The following FBN1 variants were observed in gnomAD, a reference collection of about 807,000 sequenced individuals.
The protein encoded by FBN1 is fibrillin 1.
In FBN1, 29 loss-of-function variants were observed where a neutral mutation model predicts 365.1. That is an observed-to-expected ratio of 0.08 (90% CI 0.06 to 0.11). FBN1 has a LOEUF of 0.11. Among genes scored for constraint, FBN1 ranks in the 10% least tolerant of loss-of-function variants. The pLI is 1.00. For missense variants in FBN1, 2,476 were observed against 3,703.2 expected, an observed-to-expected ratio of 0.67 and a Z score of 8.60; for synonymous variants, 1,210 against 1,270.5, an observed-to-expected ratio of 0.95 and a Z score of 1.01.
At chr15:48,418,558 G>A (rs754447520) in intron 63 of FBN1, among the ~76,000 whole-genome samples, 1 of 152,076 alleles carries the variant, frequency 6.6e-6, no homozygotes, top group Non-Finnish European at 1.5e-5. Context: ...CAAACACCAC[G>A]ATTTGGTTAA....
intron 43 of FBN1, among the ~76,000 whole-genome samples, chr15:48,458,634 G>C (rs2043259567): frequency 6.6e-6 from 1 of 152,152 alleles, no homozygotes; most frequent in African/African-American, 2.4e-5. Context: ...AACGGGCTGA[G>C]TCTAATTTCC....
intron 17 of FBN1, among the ~76,000 whole-genome samples, chr15:48,499,504 A>C (rs1197597997): frequency 6.6e-6 from 1 of 152,132 alleles, no homozygotes; most frequent in African/African-American, 2.4e-5. Context: ...GCCTCCTCTC[A>C]CAAGAGCAAC....
chr15:48,445,018 C>T (rs2043142489), intron 48 of FBN1, among the ~76,000 whole-genome samples: 1 of 150,776 alleles, frequency 6.6e-6, no homozygotes, highest in South Asian at 2.1e-4. Context: ...CAATTGCTTA[C>T]AGAGCAATTT....
At chr15:48,537,106 T>A (rs1390752170) in intron 7 of FBN1, among the ~76,000 whole-genome samples, 1 of 152,150 alleles carries the variant, frequency 6.6e-6, no homozygotes, top group Non-Finnish European at 1.5e-5. Context: ...CTGGGGATAT[T>A]TAAAACTGTG....
chr15:48,464,078 C>T lies in FBN1; in HGVS notation c.4943-57G>A, dbSNP rs375306223. On this transcript the variant is annotated intron_variant, in intron 40 of 65. Coordinates refer to ENST00000316623, the MANE Select transcript of FBN1 (RefSeq NM_000138.5). ...ATGAAAACTTCACATTTTGGAATGGCCTGATACTTAATGAATGTTGACATT... is the reference window on the plus strand; with the variant it reads ...ATGAAAACTTCACATTTTGGAATGGTCTGATACTTAATGAATGTTGACATT... 2.7e-5 allele frequency: 42 copies of T among 1,559,084 alleles called. No individual in the cohort carries two copies. The African/African-American group carries it at 5.0e-4, about 19-fold the overall frequency.
intron 15 of FBN1, among the ~76,000 whole-genome samples, chr15:48,506,913 T>C (rs1034957702): frequency 3.3e-5 from 5 of 151,490 alleles, no homozygotes; most frequent in African/African-American, 1.2e-4. Flanking sequence ...AATACAGAGC[T>C]GTGGAGCTCT....
chr15:48,575,929 T>A (rs1194910024), intron 6 of FBN1, among the ~76,000 whole-genome samples: 1 of 151,836 alleles, frequency 6.6e-6, no homozygotes, highest in Non-Finnish European at 1.5e-5. Context: ...TTATCCTAAG[T>A]AAAAGAATAG....
chr15:48,634,670 G>A (rs1171380630), intron 2 of FBN1, among the ~76,000 whole-genome samples: 2 of 151,796 alleles, frequency 1.3e-5, no homozygotes, highest in Non-Finnish European at 2.9e-5. Context: ...CTTTTCTTAA[G>A]GTTTTAACTC....
At position 48,526,175 on chromosome 15, in the gene FBN1, A is replaced by G; in HGVS notation, c.943T>C (p.Cys315Arg). 1 of 1,614,146 alleles carries G rather than the reference A, an allele frequency of 6.2e-7. No individual in the cohort carries two copies. Among genetic ancestry groups the G allele is most frequent in the Non-Finnish European group, 8.5e-7 (1 of 1,179,992 alleles). Residue 315 changes from cysteine (C) to arginine (R), a missense_variant, in exon 9 of 66, where the codon TGT becomes CGT. By Grantham distance (180) the Cys-to-Arg change is radical. Around this residue, in one of 5 missense-constraint regions of FBN1, gnomAD observed 421 missense variants for 520.1 expected, o/e 0.81. Transcript: ENST00000316623. ...GGAGAGGTGTAAAAACCAGGGGGAC[A>G]TTTGCAAAAGTAACTGCTGACTGTG... ...TNTVSSYFCK[C>R]PPGFYTSPDG...
chr15:48,451,346 C>G (rs1354797730), intron 45 of FBN1, among the ~76,000 whole-genome samples: 2 of 152,180 alleles, frequency 1.3e-5, no homozygotes, highest in Non-Finnish European at 2.9e-5. Flanking sequence ...TGGTTCATAT[C>G]AGAGACGTCC....
chr15:48,524,332 T>C (rs1269000588), intron 9 of FBN1, among the ~76,000 whole-genome samples: 1 of 152,234 alleles, frequency 6.6e-6, no homozygotes, highest in East Asian at 1.9e-4. Flanking sequence ...CGGAAGATAC[T>C]GCATACCACT....
chr15:48,644,683 C>T lies in FBN1; in HGVS notation c.87G>A (p.Leu29=). ...TGGTTTCCTTCACGTTCCCAGCCTC[C>T]AAATTGGCGTCCGCCCCATGGCTCG... is the stretch of plus-strand genomic sequence containing the variant. The part of the protein sequence containing the change: ...SYTSHGADAN[L]EAGNVKETRA... Residue 29 remains leucine, a synonymous_variant, in exon 2 of 66, where the codon TTG becomes TTA. Transcript: ENST00000316623. 1 of 1,614,200 alleles carries T rather than the reference C, an allele frequency of 6.2e-7. No individual in the cohort carries two copies. Among genetic ancestry groups the T allele is most frequent in the Non-Finnish European group, 8.5e-7 (1 of 1,180,036 alleles).
chr15:48,605,069 A>C (rs755084023), intron 4 of FBN1, among the ~76,000 whole-genome samples: 7 of 152,232 alleles, frequency 4.6e-5, no homozygotes, highest in Non-Finnish European at 8.8e-5. Flanking sequence ...AAGGGGTTTG[A>C]AAAGTGTAAA....
chr15:48,523,712 G>GT lies in FBN1; in HGVS notation c.988+2417_988+2418insA, dbSNP rs2043881134. Among the ~76,000 whole-genome samples the GT allele has an allele frequency of 3.0e-5, 3 of 101,378 alleles. No individual in the cohort carries two copies. The South Asian group carries it at 1.0e-3, about 34-fold the overall frequency. The allele number at this position is 101,378 out of a possible 152,430, so 66.5% of individuals were successfully genotyped here. On this transcript the variant is annotated intron_variant, in intron 9 of 65. Coordinates refer to ENST00000316623, the MANE Select transcript of FBN1 (RefSeq NM_000138.5). ...AGCAGTGCCACACCAAGGGTGGCTG[G>GT]GGGGGGGGGGGAACCGTTGTGGTGG...
chr15:48,524,180 C>T (rs2043887214), intron 9 of FBN1, among the ~76,000 whole-genome samples: 1 of 152,100 alleles, frequency 6.6e-6, no homozygotes, highest in Admixed American at 6.5e-5. Flanking sequence ...ACAAATGCCA[C>T]AGGAAGATCA....
At chr15:48,493,753 G>C (rs1487079321) in intron 23 of FBN1, among the ~76,000 whole-genome samples, 2 of 152,172 alleles carry the variant, frequency 1.3e-5, no homozygotes, top group Non-Finnish European at 2.9e-5. Context: ...GAAACTCCAG[G>C]AGAAAGAATC....
In FBN1 at chr15:48,526,139, T is replaced by C. The variant is rs1597587453; in HGVS notation, c.979A>G (p.Arg327Gly). 2 of 1,614,164 alleles carry C rather than the reference T, an allele frequency of 1.2e-6. No individual in the cohort carries two copies. Among genetic ancestry groups the C allele is most frequent in the Non-Finnish European group, 1.7e-6 (2 of 1,180,006 alleles). Residue 327 changes from arginine (R) to glycine (G), a missense_variant, in exon 9 of 66, where the codon AGA becomes GGA. This residue lies in a region of FBN1 where 421 missense variants were observed against 520.1 expected (regional missense o/e 0.81). Transcript: ENST00000316623. ...PGFYTSPDGT[R>G]CIDVRPGYCY... ...TTGTCATTAAACCTACCTATGCATC[T>C]GGTACCATCTGGAGAGGTGTAAAAA...
In FBN1 at chr15:48,526,297, A is replaced by G. The variant is rs199877564; in HGVS notation, c.863-42T>C. 2.0e-5 allele frequency: 32 copies of G among 1,608,864 alleles called. 1 individual carries two copies. Among genetic ancestry groups the G allele is most frequent in the Middle Eastern group, 3.3e-4 (2 of 6,046 alleles). On this transcript the variant is annotated intron_variant, in intron 8 of 65. Transcript: ENST00000316623. Reference sequence around the variant, plus strand: ...AGAATCTCAGCATTTGTAGAACACAATATAAAACCATTCGTCAGTAGAAGG... The same window carrying G: ...AGAATCTCAGCATTTGTAGAACACAGTATAAAACCATTCGTCAGTAGAAGG...
rs1566895667 is a variant in FBN1 at position 48,435,766 on chromosome 15, G to GTGTATATATATGTGTGTATATATA, written c.6497-1054_6497-1053insTATATATACACACATATATATACA. On this transcript the variant is annotated intron_variant, in intron 53 of 65. Transcript: ENST00000316623. Reference sequence around the variant, plus strand: ...TGTATATATATGTGTGTATATATATGTGTATATGTGTGTGTGTGTGTGTGT... The same window carrying GTGTATATATATGTGTGTATATATA: ...TGTATATATATGTGTGTATATATATGTGTATATATATGTGTGTATATATATGTATATGTGTGTGTGTGTGTGTGT... 1.3e-3 allele frequency among the ~76,000 whole-genome samples: 37 copies of GTGTATATATATGTGTGTATATATA among 28,176 alleles called. 2 individuals carry two copies. Among genetic ancestry groups the GTGTATATATATGTGTGTATATATA allele is most frequent in the African/African-American group, 5.9e-3 (35 of 5,900 alleles). 18.5% of individuals were successfully genotyped at this position (28,176 alleles called of 152,430 possible).
Sources: gnomAD v4.1 joint callset for allele counts (sites outside exome capture counted in the v4.1 genomes callset) on GRCh38, gnomAD v4.1.1 for gene constraint, gnomAD v4.1.1 regional missense constraint, MANE v1.5 for transcripts, NCBI Gene and HGNC (gene_info 2026-07-23, HGNC 2026-07-21) for gene names.